FGD3: variants seen among roughly 807,000 people sequenced by gnomAD.
FGD3 encodes the protein FYVE, RhoGEF and PH domain containing 3.
Under a neutral mutation model 71.8 loss-of-function variants are expected in FGD3, and 45 were observed. That is an observed-to-expected ratio of 0.63 (90% CI 0.49 to 0.80). The LOEUF (loss-of-function observed/expected upper bound fraction) is 0.80, where lower values mean the gene tolerates loss of function less well. FGD3 is among the 30% of genes least tolerant of loss of function. FGD3 has a pLI of 0.00. For missense variants in FGD3, 844 were observed against 951.5 expected, an observed-to-expected ratio of 0.89 and a Z score of 1.49; for synonymous variants, 378 against 392.8, an observed-to-expected ratio of 0.96 and a Z score of 0.44.
intron 2 of FGD3, among the ~76,000 whole-genome samples, 164 bp downstream of exon 2, chr9:92,975,569 C>A (rs183051265): frequency 1.3e-5 from 2 of 152,328 alleles, no homozygotes; most frequent in Admixed American, 1.3e-4. Flanking sequence ...TTATAATTGA[C>A]ACTTGAATTT....
chr9:92,978,496 A>C (rs1859857185), intron 3 of FGD3, among the ~76,000 whole-genome samples: 1 of 144,550 alleles, frequency 6.9e-6, no homozygotes, highest in Non-Finnish European at 1.5e-5. Context: ...TTCAATGAGA[A>C]GATCACTGAC....
intron 3 of FGD3, among the ~76,000 whole-genome samples, chr9:92,996,785 T>A (rs1036771890): frequency 1.3e-5 from 2 of 152,154 alleles, no homozygotes; most frequent in Admixed American, 1.3e-4. Context: ...AGTTGAGCGG[T>A]TTTGAGTGAG....
At chr9:92,964,452 T>C (rs1334669757) in intron 1 of FGD3, 1 of 152,288 alleles carries the variant, frequency 6.6e-6, no homozygotes, top group African/African-American at 2.4e-5. Flanking sequence ...AGGAGCCATT[T>C]GAGGGAGACG....
At chr9:93,021,904 C>T (rs1443784624) in intron 13 of FGD3, among the ~76,000 whole-genome samples, 2 of 152,222 alleles carry the variant, frequency 1.3e-5, no homozygotes, top group Non-Finnish European at 2.9e-5. Context: ...TTAAGTCTGG[C>T]CAAGCCCTTT....
chr9:92,949,918 AGCT>A (rs966999963), intron 1 of FGD3, among the ~76,000 whole-genome samples: 2 of 152,130 alleles, frequency 1.3e-5, no homozygotes, highest in African/African-American at 4.8e-5. Flanking sequence ...ACTAACCAAC[AGCT>A]GACCAACTAA....
chr9:93,033,304 TCTCCTCCTCCTCCCCGTCCCCTTCTC>T (rs1237093941), intron 16 of FGD3: 16 of 129,092 alleles, frequency 1.2e-4, no homozygotes, highest in South Asian at 5.8e-4. Context: ...CCCGTCCCCT[TCTCCTCCTCCTCCCCGTCCCCTTCTC>T]CTCCTCCTCC....
At chr9:93,022,524 T>A in intron 14 of FGD3, 135 bp downstream of exon 14, 1 of 838,612 alleles carries the variant, frequency 1.2e-6, no homozygotes. Flanking sequence ...GGGGCCAGTC[T>A]GCCCTGCTCA....
intron 1 of FGD3, among the ~76,000 whole-genome samples, chr9:92,972,230 C>G (rs1859563434): frequency 6.6e-6 from 1 of 151,902 alleles, no homozygotes. Context: ...GGGAGGATCA[C>G]TTGAGGTCAG....
intron 1 of FGD3, among the ~76,000 whole-genome samples, chr9:92,959,910 T>A (rs150105422): frequency 1.3e-5 from 2 of 151,516 alleles, no homozygotes; most frequent in Admixed American, 6.6e-5. Flanking sequence ...CATTTCTCTA[T>A]GTCCATGTGG....
chr9:92,992,226 ACTT>A (rs550947613), intron 3 of FGD3, among the ~76,000 whole-genome samples: 8 of 151,706 alleles, frequency 5.3e-5, no homozygotes, highest in Middle Eastern at 6.8e-3. Flanking sequence ...ATCCTTTGTT[ACTT>A]CTTCTCATTA....
At chr9:93,034,355 G>A (rs926473763) in intron 16 of FGD3, 186 bp from the exon 17 acceptor site, 14 of 674,220 alleles carry the variant, frequency 2.1e-5, no homozygotes, top group Non-Finnish European at 3.1e-5. Flanking sequence ...ACATGCCTAT[G>A]TCCTGCAGGC....
At chr9:93,015,520 T>G (rs1204551976) in intron 9 of FGD3, 2 of 414,370 alleles carry the variant, frequency 4.8e-6, no homozygotes, top group Admixed American at 4.0e-5. Context: ...GTTTAAAAAT[T>G]TAAAAATAGA....
intron 15 of FGD3, among the ~76,000 whole-genome samples, chr9:93,032,177 C>T (rs1862381285): frequency 1.3e-5 from 2 of 152,172 alleles, no homozygotes; most frequent in Admixed American, 6.5e-5. Context: ...ACAAACATCC[C>T]TTCAGATCCT....
chr9:93,029,746 T>G (rs534328421), intron 14 of FGD3, 128 bp from the exon 15 acceptor site: 25 of 1,279,814 alleles, frequency 2.0e-5, no homozygotes, highest in Non-Finnish European at 2.0e-5. Flanking sequence ...CATTCCCTTC[T>G]GCATGTTCCA....
chr9:93,002,209 G>A (rs1308521651), intron 3 of FGD3, among the ~76,000 whole-genome samples: 1 of 152,198 alleles, frequency 6.6e-6, no homozygotes, highest in East Asian at 1.9e-4. Context: ...TCCCTGTGAT[G>A]TAGGTACTAG....
chr9:92,997,123 G>C (rs1287494624), intron 3 of FGD3, among the ~76,000 whole-genome samples: 2 of 152,120 alleles, frequency 1.3e-5, no homozygotes, highest in African/African-American at 4.8e-5. Flanking sequence ...TCTCTTTGTA[G>C]GTCTCTAAGG....
chr9:92,979,786 T>C (rs1243028060), intron 3 of FGD3, among the ~76,000 whole-genome samples: 2 of 152,210 alleles, frequency 1.3e-5, no homozygotes, highest in Admixed American at 6.5e-5. Flanking sequence ...TGCATACTCA[T>C]TATTGCTCTT....
At position 93,031,566 on chromosome 9, in the gene FGD3, A is replaced by G. The variant is rs375535425; in HGVS notation, c.1681-1203A>G. Among the ~76,000 whole-genome samples, 8 of 152,298 alleles carry G rather than the reference A, an allele frequency of 5.3e-5. 1 individual carries two copies. In the East Asian group the frequency reaches 1.3e-3, roughly 26 times the overall value. ...GATAGAGAAAAGAGAAATTCCAAAA[A>G]TAAAATGCTCATAAAAGGAGGACTC... On this transcript the variant is annotated intron_variant, in intron 15 of 17. Coordinates refer to ENST00000375482, the MANE Select transcript of FGD3 (RefSeq NM_001083536.2).
At chr9:92,979,068 C>A (rs1290283455) in intron 3 of FGD3, among the ~76,000 whole-genome samples, 1 of 151,744 alleles carries the variant, frequency 6.6e-6, no homozygotes, top group East Asian at 1.9e-4. Context: ...ACTAATTTTA[C>A]TTTTTCCTTT....
Sources: allele counts gnomAD v4.1 joint callset (sites outside exome capture counted in the v4.1 genomes callset), GRCh38; gene constraint gnomAD v4.1.1; transcripts MANE v1.5; gene names NCBI Gene and HGNC (gene_info 2026-07-23, HGNC 2026-07-21).